RPTOR: variants seen among roughly 807,000 people sequenced by gnomAD.
RPTOR encodes regulatory-associated protein of mTOR.
RPTOR carries 21 observed loss-of-function variants against 169.9 expected under a neutral mutation model. The ratio of observed to expected loss-of-function variants is 0.12; its 90% CI spans 0.09 to 0.18. The LOEUF is 0.18. RPTOR is among the 10% of genes least tolerant of loss of function. RPTOR has a pLI of 1.00. For missense variants in RPTOR, 1,133 were observed against 1,855.9 expected (o/e 0.61, Z 7.16); for synonymous variants, 732 against 753.2 (o/e 0.97, Z 0.46).
At chr17:80,875,831 G>T (rs1179389508) in intron 13 of RPTOR, among the ~76,000 whole-genome samples, 1 of 131,610 alleles carries the variant, frequency 7.6e-6, no homozygotes, top group African/African-American at 2.9e-5. Context: ...AGCCCGTGCC[G>T]CCCAGGATGT....
At chr17:80,817,675 CTG>C (rs2067338139) in intron 7 of RPTOR, among the ~76,000 whole-genome samples, 6 of 152,204 alleles carry the variant, frequency 3.9e-5, no homozygotes, top group South Asian at 2.1e-4. Flanking sequence ...GGGAGAGTGA[CTG>C]TGATGGGCTG....
chr17:80,838,562 G>A (rs186150296), intron 10 of RPTOR, among the ~76,000 whole-genome samples: 6 of 152,260 alleles, frequency 3.9e-5, no homozygotes, highest in Non-Finnish European at 2.9e-5. Flanking sequence ...CTTACGTGAG[G>A]CGCCAAGTCT....
chr17:80,794,206 T>C (rs1414379885), intron 7 of RPTOR, among the ~76,000 whole-genome samples: 1 of 152,002 alleles, frequency 6.6e-6, no homozygotes, highest in East Asian at 1.9e-4. Context: ...AAAGAACACA[T>C]GTATCCAGAA....
chr17:80,552,573 C>T (rs1192981419), intron 1 of RPTOR, among the ~76,000 whole-genome samples: 4 of 152,214 alleles, frequency 2.6e-5, no homozygotes, highest in Non-Finnish European at 4.4e-5. Context: ...TAGGGCAGTG[C>T]TTGGCACATA....
At chr17:80,854,139 G>A (rs1260670754) in intron 11 of RPTOR, among the ~76,000 whole-genome samples, 1 of 152,118 alleles carries the variant, frequency 6.6e-6, no homozygotes, top group African/African-American at 2.4e-5. Flanking sequence ...AGTTTACTGG[G>A]GAAATGGCCC....
rs11150752 is a variant in RPTOR at position 80,878,608 on chromosome 17, A to T, written c.1510-1807A>T. Among the ~76,000 whole-genome samples, 2 of 151,906 alleles carry T rather than the reference A, an allele frequency of 1.3e-5. No individual in the cohort carries two copies. The highest frequency in any genetic ancestry group is 2.9e-5 in the Non-Finnish European group (2 of 67,984). ...TGACCCGCCTGTCTCAGCCTCCCAA[A>T]GTGCTGGGATTATAGGCATGAGCCA... is the stretch of plus-strand genomic sequence containing the variant. On this transcript the variant is annotated intron_variant, in intron 13 of 33. Transcript: ENST00000306801. This position sits in a 1 kb window ranked among gnomAD's most constrained non-coding sequence, Gnocchi z 4.1.
chr17:80,829,930 C>T (rs956994097), intron 9 of RPTOR, among the ~76,000 whole-genome samples: 21 of 152,186 alleles, frequency 1.4e-4, no homozygotes, highest in African/African-American at 4.8e-4. Context: ...GGTAGGTTTT[C>T]AGCAACAAGG....
chr17:80,561,361 G>A (rs1490370652), intron 1 of RPTOR, among the ~76,000 whole-genome samples: 2 of 148,366 alleles, frequency 1.3e-5, no homozygotes, highest in Admixed American at 6.9e-5. Context: ...CGTCAGCCTC[G>A]GCCTCCCAAA....
At chr17:80,796,619 ATG>A (rs2067104102) in intron 7 of RPTOR, among the ~76,000 whole-genome samples, 1 of 152,204 alleles carries the variant, frequency 6.6e-6, no homozygotes, top group African/African-American at 2.4e-5. Flanking sequence ...AGAGTTCAAG[ATG>A]AGATTTGGGT....
rs574939028 is a variant in RPTOR at position 80,724,705 on chromosome 17, C to A, written c.508-5855C>A. 2.0e-5 allele frequency among the ~76,000 whole-genome samples: 3 copies of A among 152,336 alleles called. No homozygotes were observed. The East Asian group carries it at 5.8e-4, about 29-fold the overall frequency. Reference sequence around the variant, plus strand: ...TGGAGTTGGGGTTGGGACACCCCACCTGCCCTTCCAGAGGGCGACTGTCTG... The same window carrying A: ...TGGAGTTGGGGTTGGGACACCCCACATGCCCTTCCAGAGGGCGACTGTCTG... On this transcript the variant is annotated intron_variant, in intron 4 of 33. Coordinates refer to ENST00000306801, the MANE Select transcript of RPTOR (RefSeq NM_020761.3).
rs571331236 is a variant in RPTOR at position 80,895,212 on chromosome 17, G to A, written c.2401+1347G>A. 1.3e-4 allele frequency among the ~76,000 whole-genome samples: 20 copies of A among 152,188 alleles called. No individual in the cohort carries two copies. The East Asian group carries it at 3.1e-3, about 24-fold the overall frequency. On this transcript the variant is annotated intron_variant, in intron 20 of 33. Transcript: ENST00000306801. Reference sequence around the variant, plus strand: ...AGCTCTGCTGGGCCCCAGCCTACCCGGCCCCCAGCCTGGGCATCGGTGGGG... The same window carrying A: ...AGCTCTGCTGGGCCCCAGCCTACCCAGCCCCCAGCCTGGGCATCGGTGGGG...
rs1568296148 is a variant in RPTOR at position 80,545,331 on chromosome 17, T to TCCC, written c.-298_-297insCCC. On this transcript the variant is annotated 5_prime_UTR_variant, in exon 1 of 34. Transcript: ENST00000306801. The stretch of plus-strand genomic sequence containing the variant: ...TTTTGGCAGCTCCCCTCGCAGCCCC[T>TCCC]CTGGAAACGTACAGCCTCAGGAGCA... 6.9e-6 allele frequency: 2 copies of TCCC among 288,516 alleles called. No individual in the cohort carries two copies. The highest frequency in any genetic ancestry group is 1.3e-5 in the Non-Finnish European group (2 of 154,648). 17.9% of individuals were successfully genotyped at this position (288,516 alleles called of 1,614,324 possible). A position where few individuals can be genotyped will look rare whatever the true frequency, so the allele number is the denominator to read the frequency against.
intron 3 of RPTOR, among the ~76,000 whole-genome samples, chr17:80,698,100 C>CCA (rs56930167): frequency 0.59 from 89,658 of 151,802 alleles, 27,005 homozygotes; most frequent in African/African-American, 0.7. Context: ...GGGAATTTGA[C>CCA]CAGATTTCTC....
chr17:80,899,432 A>T (rs1170033713), intron 20 of RPTOR, among the ~76,000 whole-genome samples: 1 of 152,262 alleles, frequency 6.6e-6, no homozygotes, highest in African/African-American at 2.4e-5. Context: ...GTACTAGAAA[A>T]TGTAAATTCA....
At chr17:80,801,643 T>A (rs2067158989) in intron 7 of RPTOR, 1 of 152,196 alleles carries the variant, frequency 6.6e-6, no homozygotes, top group East Asian at 1.9e-4. Flanking sequence ...CAGTCTTGAT[T>A]CAAAAAATAC....
chr17:80,608,830 G>A (rs543120466), intron 1 of RPTOR, among the ~76,000 whole-genome samples: 166 of 152,340 alleles, frequency 1.1e-3, no homozygotes, highest in African/African-American at 3.8e-3. Flanking sequence ...GGGCAGATGC[G>A]GGAACAGGTG....
rs4889861 is a variant in RPTOR at position 80,574,769 on chromosome 17, G to A, written c.162+28978G>A. ...CTCCTGAGCTCAAGCGGTCTTCCCC[G>A]CTTAGCCTCCCAAGTAGCTGGGACT... On this transcript the variant is annotated intron_variant, in intron 1 of 33. Transcript: ENST00000306801. 3.5e-3 allele frequency among the ~76,000 whole-genome samples: 533 copies of A among 151,034 alleles called. 2 individuals are homozygous for A. Among genetic ancestry groups the A allele is most frequent in the African/African-American group, 0.013 (515 of 41,106 alleles).
Position 80,803,639 on chromosome 17 carries a change from G to A in RPTOR, c.890+12130G>A, listed in dbSNP as rs2075392486. ...CCCGCGTGTGTTTCTCAGCACGTTTGTTCATTCACCGTTCATTCAGCAGAC... is the reference window on the plus strand; with the variant it reads ...CCCGCGTGTGTTTCTCAGCACGTTTATTCATTCACCGTTCATTCAGCAGAC... On this transcript the variant is annotated intron_variant, in intron 7 of 33. Transcript: ENST00000306801. The surrounding 1 kb of genome is among the most constrained non-coding windows in gnomAD (Gnocchi z 6.2). The A allele has an allele frequency of 6.6e-6, 1 of 152,262 alleles. No individual in the cohort carries two copies. The highest frequency in any genetic ancestry group is 6.5e-5 in the Admixed American group (1 of 15,284). The allele number at this position is 152,262 out of a possible 1,614,324, so 9.4% of individuals were successfully genotyped here.
At chr17:80,728,424 T>A (rs1251235073) in intron 4 of RPTOR, among the ~76,000 whole-genome samples, 3 of 137,564 alleles carry the variant, frequency 2.2e-5, no homozygotes, top group African/African-American at 7.6e-5. Context: ...GCTTTTACAT[T>A]TAGGTTTTCA....
Sources: gnomAD v4.1 joint callset for allele counts (sites outside exome capture counted in the v4.1 genomes callset) on GRCh38, gnomAD v4.1.1 for gene constraint, Gnocchi (gnomAD v3.1) non-coding constraint, MANE v1.5 for transcripts, NCBI Gene and HGNC (gene_info 2026-07-23, HGNC 2026-07-21) for gene names.